The following CCNH variants were observed in gnomAD, a reference collection of about 807,000 sequenced individuals.
The protein encoded by CCNH is cyclin H, also known as cyclin-H.
Under a neutral mutation model 41.9 loss-of-function variants are expected in CCNH, and 31 were observed. That is an observed-to-expected ratio of 0.74 (90% CI 0.56 to 1.00). The LOEUF (loss-of-function observed/expected upper bound fraction) is 1.00. CCNH is among the 50% of genes least tolerant of loss of function. CCNH has a pLI of 0.00. For missense variants in CCNH, 362 were observed against 388.4 expected, an observed-to-expected ratio of 0.93 and a Z score of 0.57; for synonymous variants, 138 against 136.1, an observed-to-expected ratio of 1.01 and a Z score of -0.10.
rs550497410 is a variant in CCNH at position 87,359,330 on chromosome 5, A to G, written c.*90+33440T>C. Among the ~76,000 whole-genome samples the G allele has an allele frequency of 3.3e-5, 5 of 152,296 alleles. No individual in the cohort carries two copies. The South Asian group carries it at 1.0e-3, about 32-fold the overall frequency. On this transcript the variant is annotated intron_variant and NMD_transcript_variant, in intron 9 of 9. Coordinates refer to the CCNH transcript ENST00000645953. ...ATTTCCCTTGGGAGGAATGTAAAAA[A>G]TCTAAGAACTATCTCTCAGGCTGAG...
At chr5:87,369,660 T>C (rs1464293582) in intron 9 of CCNH, among the ~76,000 whole-genome samples, 1 of 151,802 alleles carries the variant, frequency 6.6e-6, no homozygotes, top group Admixed American at 6.6e-5. Flanking sequence ...TATAGCTGAC[T>C]TTTTTTTAGT....
intron 9 of CCNH, among the ~76,000 whole-genome samples, chr5:87,348,475 A>C (rs1239555826): frequency 3.0e-4 from 46 of 152,014 alleles, no homozygotes; most frequent in Admixed American, 3.0e-3. Context: ...GTCATATTTA[A>C]TATATGATAA....
chr5:87,372,055 CTGA>C, downstream of CCNH: 1 of 1,350,726 alleles, frequency 7.4e-7, no homozygotes, highest in Non-Finnish European at 1.0e-6. Context: ...AAAAACCTAA[CTGA>C]TGATTTGGAA....
At chr5:87,358,423 T>G (rs1759816965) in intron 9 of CCNH, among the ~76,000 whole-genome samples, 1 of 152,202 alleles carries the variant, frequency 6.6e-6, no homozygotes, top group South Asian at 2.1e-4. Flanking sequence ...GAGAGGTTAA[T>G]AACTTAAATC....
intron 1 of CCNH, among the ~76,000 whole-genome samples, chr5:87,411,659 AAGT>A (rs566762581): frequency 2.4e-4 from 36 of 152,184 alleles, no homozygotes; most frequent in Admixed American, 6.6e-4. Context: ...ATAAATTAAA[AAGT>A]AGACAGACTT....
intron 9 of CCNH, among the ~76,000 whole-genome samples, chr5:87,337,417 C>T (rs939960854): frequency 6.6e-6 from 1 of 152,038 alleles, no homozygotes; most frequent in African/African-American, 2.4e-5. Context: ...TAATGGGTAT[C>T]TGGGTGAATT....
intron 9 of CCNH, among the ~76,000 whole-genome samples, chr5:87,355,995 A>T (rs557105367): frequency 6.6e-6 from 1 of 152,338 alleles, no homozygotes; most frequent in East Asian, 1.9e-4. Context: ...GCGAAAGAGG[A>T]GTTGCTTGTT....
intron 7 of CCNH, 38 bp from the exon 8 acceptor site, chr5:87,395,142 A>G (rs1450039324): frequency 1.9e-6 from 3 of 1,574,714 alleles, no homozygotes; most frequent in South Asian, 1.1e-5. Flanking sequence ...ATCCAATACC[A>G]GCCACAGAAA....
chr5:87,399,452 C>G lies in CCNH; in HGVS notation c.814G>C (p.Val272Leu). 1 of 1,614,016 alleles carries G rather than the reference C, an allele frequency of 6.2e-7. No homozygotes were observed. Among genetic ancestry groups the G allele is most frequent in the African/African-American group, 1.3e-5 (1 of 75,064 alleles). Reference sequence around the variant, plus strand: ...CATCGCTCCAACTTCTGTTTCAGAACAGCAACTTCTTCAGATCTGGGTGGT... The same window carrying G: ...CATCGCTCCAACTTCTGTTTCAGAAGAGCAACTTCTTCAGATCTGGGTGGT... Reference protein sequence around the residue: ...YEPPRSEEVAVLKQKLERCHS... With the variant: ...YEPPRSEEVALLKQKLERCHS... The change falls in exon 7 of 9, where the codon GTT becomes CTT. Residue 272 changes from valine (V) to leucine (L), a missense_variant. Coordinates refer to ENST00000256897, the MANE Select transcript of CCNH (RefSeq NM_001239.4).
At chr5:87,352,586 T>C (rs1362179630) in intron 9 of CCNH, among the ~76,000 whole-genome samples, 3 of 151,884 alleles carry the variant, frequency 2.0e-5, no homozygotes, top group Non-Finnish European at 2.9e-5. Context: ...TTTCCCAATT[T>C]GTAGCACTTT....
intron 5 of CCNH, 127 bp downstream of exon 5, chr5:87,404,717 A>G (rs1388455178): frequency 3.8e-5 from 27 of 719,898 alleles, no homozygotes; most frequent in Non-Finnish European, 5.1e-5. Flanking sequence ...TCAAAAGGCA[A>G]TTTCATTTCT....
Position 87,405,711 on chromosome 5 carries a change from C to A in CCNH, c.526-704G>T, listed in dbSNP as rs969604212. Among the ~76,000 whole-genome samples the A allele has an allele frequency of 5.9e-5, 9 of 152,192 alleles. No individual in the cohort carries two copies. In the South Asian group the frequency reaches 1.0e-3, roughly 18 times the overall value. ...CATTTACTTCACAGCTGTTCTCCCT[C>A]CTCTGAACCTTTGCTCACTTATCCC... On this transcript the variant is annotated intron_variant, in intron 4 of 8. Transcript: ENST00000256897.
At chr5:87,392,453 T>A (rs114023042), downstream of CCNH, 322 of 418,668 alleles carry the variant, frequency 7.7e-4, no homozygotes, top group Non-Finnish European at 1.2e-3. Flanking sequence ...ATTCTCTCCC[T>A]TCTTGGCTCT....
chr5:87,374,147 A>G, downstream of CCNH: 12 of 1,006,770 alleles, frequency 1.2e-5, no homozygotes, highest in Non-Finnish European at 1.6e-5. Flanking sequence ...ATATATATAT[A>G]TTTTTTTTTT....
intron 9 of CCNH, among the ~76,000 whole-genome samples, chr5:87,334,199 T>C (rs1320162429): frequency 6.6e-6 from 1 of 152,186 alleles, no homozygotes; most frequent in African/African-American, 2.4e-5. Context: ...GCCAGTGGTA[T>C]AATTCAGTCT....
At chr5:87,404,818 A>G in intron 5 of CCNH, 26 bp downstream of exon 5, 4 of 1,553,488 alleles carry the variant, frequency 2.6e-6, no homozygotes, top group Non-Finnish European at 3.5e-6. Flanking sequence ...ACTGAATTTG[A>G]CCTAAGTTAA....
chr5:87,386,973 C>T, downstream of CCNH: 2 of 1,349,358 alleles, frequency 1.5e-6, no homozygotes, highest in Admixed American at 1.8e-5. Context: ...CCCATTTAAG[C>T]AGCAATCTTT....
At chr5:87,385,473 T>A in intron 9 of CCNH, 1 of 1,046,278 alleles carries the variant, frequency 9.6e-7, no homozygotes, top group Non-Finnish European at 1.5e-6. Flanking sequence ...TTAAGTAAAT[T>A]TTTAGCAGTG....
chr5:87,390,615 C>A (rs1465484368), downstream of CCNH, among the ~76,000 whole-genome samples: 2 of 152,114 alleles, frequency 1.3e-5, no homozygotes, highest in Admixed American at 6.6e-5. Flanking sequence ...TATAAAAATT[C>A]TCTTAGTTAT....
Sources: allele counts gnomAD v4.1 joint callset (sites outside exome capture counted in the v4.1 genomes callset), GRCh38; gene constraint gnomAD v4.1.1; transcripts MANE v1.5; gene names NCBI Gene and HGNC (gene_info 2026-07-23, HGNC 2026-07-21).